The following RASGEF1A variants were observed in gnomAD, a reference collection of about 807,000 sequenced individuals.
RASGEF1A encodes the protein ras-GEF domain-containing family member 1A.
A neutral mutation model predicts 56.4 loss-of-function variants in RASGEF1A; 18 were observed. That is an observed-to-expected ratio of 0.32 (90% CI 0.22 to 0.47). The LOEUF is 0.47. RASGEF1A is among the 20% of genes least tolerant of loss of function. The probability of loss-of-function intolerance (pLI) is 1.00; values close to 1 mark genes in which losing one functional copy is unlikely to be tolerated. For missense variants in RASGEF1A, 422 were observed against 627.1 expected (o/e 0.67, Z 3.49); for synonymous variants, 245 against 242.6 (o/e 1.01, Z -0.09).
At position 43,199,099 on chromosome 10, in the gene RASGEF1A, G is replaced by A. The variant is rs779122035; in HGVS notation, c.945C>T (p.Ala315=). 27 of 1,613,544 alleles carry A rather than the reference G, an allele frequency of 1.7e-5. No homozygotes were observed. The highest frequency in any genetic ancestry group is 2.7e-5 in the African/African-American group (2 of 74,930). ...FNIGNFNSMM[A]IISGMNLSPV... is the part of the protein sequence containing the mutation. ...GGGTGCCCAGTCACTCACAGATGAT[G>A]GCCATCATGGAGTTGAAGTTCCCGA... The change falls in exon 8 of 13, where the codon GCC becomes GCT. Residue 315 remains alanine (A), a synonymous_variant. Coordinates refer to ENST00000395810, the MANE Select transcript of RASGEF1A (RefSeq NM_145313.4).
intron 1 of RASGEF1A, among the ~76,000 whole-genome samples, chr10:43,213,122 G>A (rs1028618861): frequency 4.6e-5 from 7 of 152,122 alleles, no homozygotes; most frequent in South Asian, 2.1e-4. Context: ...TTGGGCAACC[G>A]GTACAGACTC....
At chr10:43,254,209 G>T (rs750450559) in intron 1 of RASGEF1A, among the ~76,000 whole-genome samples, 11 of 152,206 alleles carry the variant, frequency 7.2e-5, no homozygotes, top group Non-Finnish European at 1.3e-4. Flanking sequence ...GAGGGCGGGA[G>T]ACAAACAGAG....
At chr10:43,197,571 C>A (rs1251058998) in intron 10 of RASGEF1A, among the ~76,000 whole-genome samples, 4 of 152,220 alleles carry the variant, frequency 2.6e-5, no homozygotes, top group African/African-American at 9.6e-5. Context: ...CTATGTCCCA[C>A]CCTCCCATCC....
chr10:43,232,574 C>T (rs1840385435), intron 1 of RASGEF1A, among the ~76,000 whole-genome samples: 1 of 151,310 alleles, frequency 6.6e-6, no homozygotes, highest in African/African-American at 2.4e-5. Context: ...GCAACCTCCA[C>T]CTTCTGGGTT....
chr10:43,223,629 A>C (rs1840236795), intron 1 of RASGEF1A, among the ~76,000 whole-genome samples: 1 of 152,228 alleles, frequency 6.6e-6, no homozygotes, highest in African/African-American at 2.4e-5. Flanking sequence ...TAGATGACTT[A>C]ATCAAAGAAT....
At chr10:43,223,521 T>C (rs1840235571) in intron 1 of RASGEF1A, among the ~76,000 whole-genome samples, 1 of 152,172 alleles carries the variant, frequency 6.6e-6, no homozygotes, top group Non-Finnish European at 1.5e-5. Flanking sequence ...AATAATGTAT[T>C]GAAGTAAACA....
chr10:43,245,172 T>C (rs1840555430), intron 1 of RASGEF1A, among the ~76,000 whole-genome samples: 1 of 152,180 alleles, frequency 6.6e-6, no homozygotes, highest in Non-Finnish European at 1.5e-5. Context: ...TATGAACAGC[T>C]GTTTGCCAAG....
intron 9 of RASGEF1A, among the ~76,000 whole-genome samples, chr10:43,198,620 C>A (rs902118461): frequency 1.3e-5 from 2 of 152,254 alleles, no homozygotes; most frequent in Admixed American, 6.5e-5. Context: ...TCTAGACCAG[C>A]CAGGACCTGG....
chr10:43,250,947 G>A (rs764908451), intron 1 of RASGEF1A, among the ~76,000 whole-genome samples: 6 of 152,226 alleles, frequency 3.9e-5, no homozygotes, highest in African/African-American at 7.2e-5. Context: ...CGTGCAGGCA[G>A]GAGCTGCCCA....
chr10:43,249,429 G>A (rs1006225070), intron 1 of RASGEF1A, among the ~76,000 whole-genome samples: 4 of 152,222 alleles, frequency 2.6e-5, no homozygotes, highest in African/African-American at 9.7e-5. Flanking sequence ...GGGGGAAGGG[G>A]GTTCTGTTGG....
At chr10:43,251,197 T>A (rs1274302388) in intron 1 of RASGEF1A, among the ~76,000 whole-genome samples, 3 of 152,172 alleles carry the variant, frequency 2.0e-5, no homozygotes, top group Non-Finnish European at 4.4e-5. Flanking sequence ...CCTCTGAGAC[T>A]CAGTTTTCCT....
chr10:43,227,429 G>T (rs1840295244), intron 1 of RASGEF1A, among the ~76,000 whole-genome samples: 1 of 152,188 alleles, frequency 6.6e-6, no homozygotes, highest in South Asian at 2.1e-4. Context: ...AACATGAGAG[G>T]CCATGGCTCT....
At position 43,228,875 on chromosome 10, in the gene RASGEF1A, A is replaced by G. The variant is rs566450056; in HGVS notation, c.-6-22753T>C. Reference sequence around the variant, plus strand: ...GGGGCCCGATAAATGCATGCTGAGTAAGTGAAAGAAGGAAGGGACAGATGA... The same window carrying G: ...GGGGCCCGATAAATGCATGCTGAGTGAGTGAAAGAAGGAAGGGACAGATGA... On this transcript the variant is annotated intron_variant, in intron 1 of 12. Transcript: ENST00000395810. Among the ~76,000 whole-genome samples, 373 of 152,342 alleles carry G rather than the reference A, an allele frequency of 2.4e-3. 4 individuals are homozygous for G. The highest frequency in any genetic ancestry group is 7.9e-3 in the African/African-American group (329 of 41,580).
intron 1 of RASGEF1A, chr10:43,207,150 G>A: frequency 1.0e-6 from 1 of 985,468 alleles, no homozygotes; most frequent in Non-Finnish European, 1.2e-6. Context: ...GCCTGCCTGT[G>A]GCCTTGCCTG....
chr10:43,254,062 C>T (rs528698416), intron 1 of RASGEF1A, among the ~76,000 whole-genome samples: 35 of 152,320 alleles, frequency 2.3e-4, no homozygotes, highest in Admixed American at 3.9e-4. Flanking sequence ...AGAGGGCAGA[C>T]GGAGACTCAC....
intron 4 of RASGEF1A, 74 bp downstream of exon 4, chr10:43,201,734 G>A (rs547892905): frequency 2.1e-5 from 30 of 1,412,996 alleles, no homozygotes; most frequent in East Asian, 7.1e-5. Flanking sequence ...AGTTGTCCCC[G>A]AAGCCCCCAC....
intron 1 of RASGEF1A, among the ~76,000 whole-genome samples, chr10:43,256,266 C>T (rs1312927005): frequency 6.6e-6 from 1 of 152,168 alleles, no homozygotes; most frequent in East Asian, 1.9e-4. Flanking sequence ...CTGGAGTCCC[C>T]CAACCCCTAC....
intron 6 of RASGEF1A, 39 bp downstream of exon 6, chr10:43,200,143 C>T (rs1426736843): frequency 1.3e-6 from 2 of 1,526,222 alleles, no homozygotes; most frequent in African/African-American, 2.7e-5. Context: ...GCTGGGCAGA[C>T]AGGGCTGGCA....
At position 43,256,232 on chromosome 10, in the gene RASGEF1A, C is replaced by T. The variant is rs1037842601; in HGVS notation, c.-7+10613G>A. On this transcript the variant is annotated intron_variant, in intron 1 of 12. Transcript: ENST00000395810. ...TGGAGCCAGGACAAGGCAAGCCAGG[C>T]GGGGGCAGGTGCGGCAGGTGCTGCT... Among the ~76,000 whole-genome samples, 55 of 152,280 alleles carry T rather than the reference C, an allele frequency of 3.6e-4. 1 individual carries two copies. Among genetic ancestry groups the T allele is most frequent in the Middle Eastern group, 3.4e-3 (1 of 294 alleles).
Sources: gnomAD v4.1 joint callset for allele counts (sites outside exome capture counted in the v4.1 genomes callset) on GRCh38, gnomAD v4.1.1 for gene constraint, MANE v1.5 for transcripts, NCBI Gene and HGNC (gene_info 2026-07-23, HGNC 2026-07-21) for gene names.